PCDHA7: variants seen among roughly 807,000 people sequenced by gnomAD.
PCDHA7 encodes the protein protocadherin alpha 7, also known as protocadherin alpha-7.
PCDHA7 carries 37 observed loss-of-function variants against 57.2 expected under a neutral mutation model. That is an observed-to-expected ratio of 0.65 (90% CI 0.50 to 0.85). The LOEUF (loss-of-function observed/expected upper bound fraction) is 0.85, where lower values mean the gene tolerates loss of function less well. Among genes scored for constraint, PCDHA7 ranks in the 40% least tolerant of loss-of-function variants. The pLI, the probability that PCDHA7 is intolerant of heterozygous loss-of-function variation, is 0.00. For missense variants in PCDHA7, 1,188 were observed against 1,241.8 expected, an observed-to-expected ratio of 0.96 and a Z score of 0.65; for synonymous variants, 553 against 558.8, an observed-to-expected ratio of 0.99 and a Z score of 0.15.
At chr5:140,879,173 G>T (rs1010561937) in intron 1 of PCDHA7, among the ~76,000 whole-genome samples, 2 of 152,160 alleles carry the variant, frequency 1.3e-5, no homozygotes, top group South Asian at 2.1e-4. Context: ...AATAAATTAG[G>T]TATCAAGTAA....
chr5:140,883,568 T>C, intron 1 of PCDHA7: 3 of 1,614,110 alleles, frequency 1.9e-6, no homozygotes, highest in Non-Finnish European at 2.5e-6. Context: ...GGGCTCGCCT[T>C]CGCTGTGGGC....
At chr5:140,981,725 A>T (rs1554243280) in intron 2 of PCDHA7, among the ~76,000 whole-genome samples, 1 of 151,396 alleles carries the variant, frequency 6.6e-6, no homozygotes, top group Non-Finnish European at 1.5e-5. Context: ...TCCAACAAAT[A>T]TTTGAGAGAT....
intron 3 of PCDHA7, among the ~76,000 whole-genome samples, chr5:141,007,395 C>CAAAAAAAAAAAAAA (rs35800918): frequency 1.1e-5 from 1 of 94,866 alleles, no homozygotes; most frequent in Non-Finnish European, 2.1e-5. Context: ...TACTAAAATA[C>CAAAAAAAAAAAAAA]AAAAAAAAAA....
chr5:140,936,079 G>T (rs1341534865), intron 1 of PCDHA7, among the ~76,000 whole-genome samples: 2 of 152,008 alleles, frequency 1.3e-5, no homozygotes, highest in African/African-American at 4.8e-5. Context: ...TTTTAGTAGA[G>T]ACAGGGTTTC....
intron 1 of PCDHA7, among the ~76,000 whole-genome samples, chr5:140,956,131 C>A (rs2095258276): frequency 6.6e-6 from 1 of 152,096 alleles, no homozygotes; most frequent in African/African-American, 2.4e-5. Flanking sequence ...TATTTGAATA[C>A]CCTTTATTTC....
At chr5:141,001,144 C>T (rs1225047253) in intron 3 of PCDHA7, among the ~76,000 whole-genome samples, 3 of 151,960 alleles carry the variant, frequency 2.0e-5, no homozygotes, top group Non-Finnish European at 4.4e-5. Context: ...TCTTCTGTTG[C>T]TCTGATCTTA....
intron 1 of PCDHA7, chr5:140,856,070 C>G (rs533914587): frequency 1.3e-6 from 2 of 1,591,758 alleles, no homozygotes; most frequent in South Asian, 2.2e-5. Context: ...ATGTAGCTGC[C>G]TGGGGGTCCA....
At chr5:140,926,185 GCAGCACTT>G (rs1563077744) in intron 1 of PCDHA7, among the ~76,000 whole-genome samples, 1 of 151,672 alleles carries the variant, frequency 6.6e-6, no homozygotes, top group East Asian at 1.9e-4. Flanking sequence ...AAAGCCCCCC[GCAGCACTT>G]CTTTCGGGGG....
intron 1 of PCDHA7, among the ~76,000 whole-genome samples, chr5:140,946,597 T>A (rs952488909): frequency 1.5e-5 from 2 of 137,412 alleles, no homozygotes; most frequent in Admixed American, 7.5e-5. Context: ...GATGAATAGA[T>A]AAAGAAAATG....
chr5:140,929,077 A>C, intron 1 of PCDHA7: 1 of 1,614,168 alleles, frequency 6.2e-7, no homozygotes, highest in Non-Finnish European at 8.5e-7. Flanking sequence ...GAGGTATGGA[A>C]GTAAGATGGT....
intron 1 of PCDHA7, among the ~76,000 whole-genome samples, chr5:140,931,837 G>A (rs1422066331): frequency 6.6e-6 from 1 of 151,798 alleles, no homozygotes; most frequent in Non-Finnish European, 1.5e-5. Flanking sequence ...TATCCTGAAT[G>A]CCTTAATAAC....
intron 1 of PCDHA7, among the ~76,000 whole-genome samples, chr5:140,845,905 T>C (rs1299056120): frequency 6.7e-6 from 1 of 149,748 alleles, no homozygotes; most frequent in Non-Finnish European, 1.5e-5. Context: ...TGGCCTTCCA[T>C]ATTAATCTTA....
intron 1 of PCDHA7, among the ~76,000 whole-genome samples, chr5:140,844,558 A>G (rs1779439411): frequency 6.7e-6 from 1 of 149,510 alleles, no homozygotes; most frequent in South Asian, 2.1e-4. Flanking sequence ...GAGTTGGAAT[A>G]TTTTCAATAA....
At chr5:140,839,449 G>A (rs1251929255) in intron 1 of PCDHA7, among the ~76,000 whole-genome samples, 1 of 151,836 alleles carries the variant, frequency 6.6e-6, no homozygotes, top group African/African-American at 2.4e-5. Context: ...CAGTGCAGTG[G>A]CACAATCTGG....
At chr5:140,944,383 C>T (rs1344204416) in intron 1 of PCDHA7, among the ~76,000 whole-genome samples, 1 of 152,084 alleles carries the variant, frequency 6.6e-6, no homozygotes, top group African/African-American at 2.4e-5. Context: ...GATGGAGTCT[C>T]ACTGTGTTAT....
rs2096720992 is a variant in PCDHA7 at position 140,976,533 on chromosome 5, A to G, written c.2356-2416A>G. 2.0e-5 allele frequency among the ~76,000 whole-genome samples: 3 copies of G among 152,170 alleles called. No homozygotes were observed. In the South Asian group the frequency reaches 6.2e-4, roughly 32 times the overall value. Reference sequence around the variant, plus strand: ...GCCACTGCACACCAGCCTAAATGACAGAGTAAGACCCTATCTCATAAATAA... The same window carrying G: ...GCCACTGCACACCAGCCTAAATGACGGAGTAAGACCCTATCTCATAAATAA... On this transcript the variant is annotated intron_variant, in intron 1 of 3. Coordinates refer to ENST00000525929, the MANE Select transcript of PCDHA7 (RefSeq NM_018910.3).
intron 1 of PCDHA7, chr5:140,860,142 T>C (rs1288609086): frequency 1.3e-5 from 2 of 149,904 alleles, no homozygotes; most frequent in Admixed American, 6.7e-5. Flanking sequence ...TGTATATATA[T>C]GTATATATGT....
In PCDHA7 at chr5:140,903,730, A is replaced by G. The variant is rs2070542594; in HGVS notation, c.2355+66992A>G. Among the ~76,000 whole-genome samples, 4 of 152,350 alleles carry G rather than the reference A, an allele frequency of 2.6e-5. No homozygotes were observed. In the South Asian group the frequency reaches 8.3e-4, roughly 32 times the overall value. ...AAATATACAATTCTCCCTATTATCA[A>G]TTATTACAGAATGTTTCCCTTGATT... is the stretch of plus-strand genomic sequence containing the variant. On this transcript the variant is annotated intron_variant, in intron 1 of 3. Transcript: ENST00000525929.
intron 1 of PCDHA7, chr5:140,883,607 G>A (rs782736793): frequency 6.2e-7 from 1 of 1,613,968 alleles, no homozygotes; most frequent in Non-Finnish European, 8.5e-7. Context: ...GGGGGTGGCC[G>A]ACGTGAACGA....
Sources: gnomAD v4.1 joint callset for allele counts (sites outside exome capture counted in the v4.1 genomes callset) on GRCh38, gnomAD v4.1.1 for gene constraint, MANE v1.5 for transcripts, NCBI Gene and HGNC (gene_info 2026-07-23, HGNC 2026-07-21) for gene names.